DLG2: variants seen among roughly 807,000 people sequenced by gnomAD.
DLG2 encodes disks large homolog 2.
A neutral mutation model predicts 132.5 loss-of-function variants in DLG2; 45 were observed. That is an observed-to-expected ratio of 0.34 (90% confidence interval 0.27 to 0.44). DLG2 has a LOEUF of 0.44. Among genes scored for constraint, DLG2 ranks in the 20% least tolerant of loss-of-function variants. The pLI, the probability that DLG2 is intolerant of heterozygous loss-of-function variation, is 1.00. For synonymous variants in DLG2, 424 were observed against 419.6 expected (o/e 1.01, Z -0.13); for missense variants, 1,045 against 1,196.9 (o/e 0.87, Z 1.87).
intron 6 of DLG2, among the ~76,000 whole-genome samples, chr11:85,080,994 A>G (rs996726348): frequency 2.8e-4 from 43 of 152,300 alleles, no homozygotes; most frequent in African/African-American, 9.4e-4. Context: ...ATAATTTGAT[A>G]AAGAAGTTAT....
At chr11:83,809,777 T>C (rs1480757336) in intron 17 of DLG2, among the ~76,000 whole-genome samples, 1 of 152,158 alleles carries the variant, frequency 6.6e-6, no homozygotes, top group Admixed American at 6.6e-5. Flanking sequence ...AATTTTTGTA[T>C]GGCCCTAAGA....
At chr11:84,307,326 T>C (rs931245430) in intron 7 of DLG2, among the ~76,000 whole-genome samples, 11 of 152,074 alleles carry the variant, frequency 7.2e-5, no homozygotes, top group African/African-American at 1.7e-4. Context: ...AGGGGAACAA[T>C]AGACACCAGG....
At chr11:84,992,660 T>A (rs2057251187) in intron 6 of DLG2, among the ~76,000 whole-genome samples, 2 of 152,224 alleles carry the variant, frequency 1.3e-5, no homozygotes, top group Non-Finnish European at 2.9e-5. Flanking sequence ...GATGAGCTTT[T>A]TTTCATATGT....
chr11:83,958,367 T>C (rs2087485788), intron 14 of DLG2, among the ~76,000 whole-genome samples: 1 of 152,172 alleles, frequency 6.6e-6, no homozygotes. Context: ...AAGAAATCTT[T>C]ATTGAGGCTT....
intron 7 of DLG2, chr11:84,273,258 C>G (rs912132446): frequency 6.9e-7 from 1 of 1,456,904 alleles, no homozygotes; most frequent in African/African-American, 1.6e-5. Flanking sequence ...CGTTGCATAG[C>G]GAAAGCTGGT....
chr11:84,587,866 GTAT>G (rs1197911172), intron 6 of DLG2, among the ~76,000 whole-genome samples: 2 of 152,102 alleles, frequency 1.3e-5, no homozygotes, highest in Non-Finnish European at 2.9e-5. Flanking sequence ...AAAGAAATTG[GTAT>G]TATTTTTCTC....
chr11:84,261,995 T>C (rs977440429), intron 7 of DLG2, among the ~76,000 whole-genome samples: 2 of 152,152 alleles, frequency 1.3e-5, no homozygotes, highest in Non-Finnish European at 2.9e-5. Context: ...CTGCAGAGCA[T>C]GAAAATTAAG....
chr11:84,659,070 G>C (rs2099691625), intron 6 of DLG2, among the ~76,000 whole-genome samples: 1 of 152,166 alleles, frequency 6.6e-6, no homozygotes, highest in Non-Finnish European at 1.5e-5. Flanking sequence ...TTAGTCTATA[G>C]TATTCTGTTA....
Position 83,728,879 on chromosome 11 carries a change from G to A in DLG2, c.1825+57811C>T, listed in dbSNP as rs576952154. On this transcript the variant is annotated intron_variant, in intron 18 of 27. Transcript: ENST00000376104. ...CACTTATGCCAGTGTTTGCAAAACC[G>A]TGATACACAGTTGTCTTGCCCAGGA... Among the ~76,000 whole-genome samples the A allele has an allele frequency of 3.0e-4, 45 of 152,352 alleles. 1 individual carries two copies. The highest frequency in any genetic ancestry group is 2.7e-3 in the Admixed American group (41 of 15,304).
intron 3 of DLG2, among the ~76,000 whole-genome samples, chr11:85,408,639 A>G (rs1597055541): frequency 1.3e-5 from 2 of 148,946 alleles, no homozygotes; most frequent in South Asian, 4.3e-4. Flanking sequence ...GAGTGAGAAC[A>G]TGCGGTGTTT....
At chr11:85,315,467 C>T (rs2080597088) in intron 3 of DLG2, among the ~76,000 whole-genome samples, 1 of 151,984 alleles carries the variant, frequency 6.6e-6, no homozygotes, top group African/African-American at 2.4e-5. Context: ...CACCAGAGGA[C>T]TCAGCAGTGG....
intron 6 of DLG2, among the ~76,000 whole-genome samples, chr11:84,802,111 C>CAA (rs535950740): frequency 1.7e-3 from 226 of 130,216 alleles, no homozygotes; most frequent in African/African-American, 5.2e-3. Context: ...AAAAAAAAAG[C>CAA]AAAAAAAAAA....
chr11:83,770,265 G>GTTTTGTTTTT (rs2094337717), intron 18 of DLG2, among the ~76,000 whole-genome samples: 1 of 128,772 alleles, frequency 7.8e-6, no homozygotes, highest in African/African-American at 3.3e-5. Flanking sequence ...GTTTTTTTTT[G>GTTTTGTTTTT]TTTTTTTGCT....
intron 6 of DLG2, among the ~76,000 whole-genome samples, chr11:84,612,415 T>C (rs1027146631): frequency 4.6e-5 from 7 of 152,284 alleles, no homozygotes; most frequent in African/African-American, 1.4e-4. Context: ...TTGACTTATG[T>C]AGACATACGC....
At chr11:84,236,049 T>TAAA (rs55876762) in intron 8 of DLG2, among the ~76,000 whole-genome samples, 3 of 143,360 alleles carry the variant, frequency 2.1e-5, no homozygotes, top group African/African-American at 2.6e-5. Context: ...TCCATTTTAT[T>TAAA]AAAAAAAAAA....
intron 11 of DLG2, among the ~76,000 whole-genome samples, chr11:84,048,690 G>T (rs1302178760): frequency 6.6e-6 from 1 of 151,714 alleles, no homozygotes; most frequent in Admixed American, 6.6e-5. Flanking sequence ...AATCAAACCA[G>T]TTGTACAAAC....
At chr11:85,508,341 T>C (rs974104798) in intron 3 of DLG2, among the ~76,000 whole-genome samples, 71 of 152,046 alleles carry the variant, frequency 4.7e-4, no homozygotes, top group African/African-American at 1.6e-3. Context: ...ATCTACACCA[T>C]GTACACTCCT....
chr11:83,499,891 ATATATAT>A lies in DLG2; in HGVS notation c.2194-15670_2194-15664del, dbSNP rs1346174411. Among the ~76,000 whole-genome samples, 151 of 108,198 alleles carry A rather than the reference ATATATAT, an allele frequency of 1.4e-3. 2 individuals carry two copies. The highest frequency in any genetic ancestry group is 2.0e-3 in the Non-Finnish European group (108 of 54,304). 71.0% of individuals were successfully genotyped at this position (108,198 alleles called of 152,430 possible). A position where few individuals can be genotyped will look rare whatever the true frequency, so the allele number is the denominator to read the frequency against. ...TATATATATATATATATATATATAT[ATATATAT>A]CAGTTCTGTCCCTCCAGAGAACTCT... On this transcript the variant is annotated intron_variant, in intron 21 of 27. Coordinates refer to ENST00000376104, the MANE Select transcript of DLG2 (RefSeq NM_001142699.3).
intron 5 of DLG2, among the ~76,000 whole-genome samples, chr11:85,145,352 C>G (rs908497621): frequency 1.1e-4 from 17 of 151,910 alleles, no homozygotes; most frequent in African/African-American, 3.9e-4. Flanking sequence ...CTTCGTCTAC[C>G]CGATAATATT....
Sources: gnomAD v4.1 joint callset for allele counts (sites outside exome capture counted in the v4.1 genomes callset) on GRCh38, gnomAD v4.1.1 for gene constraint, MANE v1.5 for transcripts, NCBI Gene and HGNC (gene_info 2026-07-23, HGNC 2026-07-21) for gene names.